CASK: variants seen among roughly 807,000 people sequenced by gnomAD.
CASK encodes peripheral plasma membrane protein CASK.
Under a neutral mutation model 82.9 loss-of-function variants are expected in CASK, and 4 were observed. The observed-to-expected ratio is 0.05, with a 90% CI of 0.02 to 0.11. CASK has a LOEUF of 0.11. CASK is among the 10% of genes least tolerant of loss of function. The pLI, the probability that CASK is intolerant of heterozygous loss-of-function variation, is 1.00. For synonymous variants in CASK, 259 were observed against 253.5 expected (o/e 1.02, Z -0.20); for missense variants, 358 against 720.9 (o/e 0.50, Z 5.76).
intron 21 of CASK, among the ~76,000 whole-genome samples, chrX:41,544,901 G>T (rs1467794509): frequency 4.5e-5 from 5 of 110,948 alleles, no homozygotes; most frequent in African/African-American, 1.6e-4. Flanking sequence ...TGACTTTAGA[G>T]AAATAAAAAA....
At chrX:41,824,861 C>T (rs756508796) in intron 2 of CASK, among the ~76,000 whole-genome samples, 14 of 111,758 alleles carry the variant, frequency 1.3e-4, no homozygotes, top group Admixed American at 9.5e-4. Context: ...TCTATCTCAG[C>T]CGTTGGAATA....
intron 1 of CASK, among the ~76,000 whole-genome samples, chrX:41,870,519 A>G (rs757806556): frequency 3.6e-5 from 4 of 112,389 alleles, no homozygotes; most frequent in Non-Finnish European, 5.6e-5. Context: ...CAAAGAATGA[A>G]GAGTAAAATA....
intron 9 of CASK, among the ~76,000 whole-genome samples, chrX:41,632,672 T>C (rs1250096402): frequency 8.9e-6 from 1 of 112,366 alleles, no homozygotes; most frequent in African/African-American, 3.2e-5. Context: ...ATGGCACTCC[T>C]AAACAAACCT....
chrX:41,597,596 G>A (rs1163776249), intron 12 of CASK, among the ~76,000 whole-genome samples: 3 of 112,193 alleles, frequency 2.7e-5, no homozygotes, highest in East Asian at 2.8e-4. Flanking sequence ...TGTGAATTAC[G>A]TGGGTAAATA....
chrX:41,839,414 T>C (rs978371847), intron 2 of CASK, among the ~76,000 whole-genome samples: 1 of 111,935 alleles, frequency 8.9e-6, no homozygotes, highest in Non-Finnish European at 1.9e-5. Flanking sequence ...CAACTGCAAA[T>C]GGTACTATGT....
In CASK at chrX:41,516,380, CA is replaced by C. The variant is rs1286339733; in HGVS notation, c.*4039del. On this transcript the variant is annotated 3_prime_UTR_variant, in exon 27 of 27. Coordinates refer to ENST00000378163, the MANE Select transcript of CASK (RefSeq NM_001367721.1). ...AGGAGAGTCCTGTATCCAGAGATTCCAAACAGAGAGGGAAATCTTATTTCTA... is the reference window on the plus strand; with the variant it reads ...AGGAGAGTCCTGTATCCAGAGATTCCAACAGAGAGGGAAATCTTATTTCTA... The C allele has an allele frequency of 8.9e-6, 1 of 112,430 alleles. No individual in the cohort carries two copies. Among genetic ancestry groups the C allele is most frequent in the Non-Finnish European group, 1.9e-5 (1 of 53,313 alleles). The allele number at this position is 112,430 out of a possible 1,213,427, so 9.3% of individuals were successfully genotyped here. A position where few individuals can be genotyped will look rare whatever the true frequency, so the allele number is the denominator to read the frequency against.
intron 12 of CASK, among the ~76,000 whole-genome samples, chrX:41,593,888 C>T (rs1402484956): frequency 1.8e-5 from 2 of 112,154 alleles, no homozygotes; most frequent in Non-Finnish European, 3.8e-5. Flanking sequence ...GGGTCATCTG[C>T]ATATTATATG....
chrX:41,572,081 CT>C (rs2065420114), intron 15 of CASK, among the ~76,000 whole-genome samples: 1 of 107,961 alleles, frequency 9.3e-6, no homozygotes, highest in Non-Finnish European at 1.9e-5. Flanking sequence ...TTTCTATCTT[CT>C]TACTTTTTTT....
At chrX:41,844,000 A>AT (rs2071099315) in intron 2 of CASK, among the ~76,000 whole-genome samples, 1 of 111,658 alleles carries the variant, frequency 9.0e-6, no homozygotes, top group Non-Finnish European at 1.9e-5. Flanking sequence ...CATATACAAG[A>AT]TTTTATCTGG....
intron 11 of CASK, among the ~76,000 whole-genome samples, chrX:41,611,808 C>T (rs977596529): frequency 2.7e-5 from 3 of 110,250 alleles, no homozygotes; most frequent in African/African-American, 9.9e-5. Flanking sequence ...GCCTGATTCT[C>T]CTGCCTTAGC....
At chrX:41,776,901 A>G (rs2069374971) in intron 3 of CASK, among the ~76,000 whole-genome samples, 1 of 111,997 alleles carries the variant, frequency 8.9e-6, no homozygotes, top group East Asian at 2.8e-4. Context: ...CAAGACAAAA[A>G]TCTCAATAGT....
chrX:41,920,081 A>G (rs1299301729), intron 1 of CASK, among the ~76,000 whole-genome samples: 2 of 111,816 alleles, frequency 1.8e-5, no homozygotes, highest in Admixed American at 9.5e-5. Context: ...TAGGTAGAGG[A>G]GTGAGTGGGT....
intron 5 of CASK, among the ~76,000 whole-genome samples, chrX:41,711,984 C>T (rs758470394): frequency 2.5e-4 from 28 of 112,796 alleles, no homozygotes; most frequent in Non-Finnish European, 5.1e-4. Context: ...AACTGCTGAA[C>T]GCAGGTACAA....
At chrX:41,756,756 G>A (rs1200805515) in intron 3 of CASK, among the ~76,000 whole-genome samples, 1 of 112,091 alleles carries the variant, frequency 8.9e-6, no homozygotes, top group Non-Finnish European at 1.9e-5. Context: ...TTACTTACGA[G>A]AAAACTGAGA....
chrX:41,687,351 A>G (rs1279794531), intron 5 of CASK, among the ~76,000 whole-genome samples: 1 of 112,250 alleles, frequency 8.9e-6, no homozygotes, highest in Non-Finnish European at 1.9e-5. Context: ...GTGCATATAC[A>G]GTGGAATATA....
chrX:41,550,839 A>G (rs1249869077), intron 21 of CASK, among the ~76,000 whole-genome samples: 1 of 111,237 alleles, frequency 9.0e-6, no homozygotes, highest in Non-Finnish European at 1.9e-5. Context: ...TGGGTCCAGG[A>G]GGTCGAGGCT....
intron 2 of CASK, among the ~76,000 whole-genome samples, chrX:41,790,645 T>C (rs774914552): frequency 6.3e-5 from 7 of 111,826 alleles, no homozygotes; most frequent in Non-Finnish European, 5.6e-5. Context: ...AACACTGATT[T>C]GACTTGATTT....
chrX:41,692,988 A>G (rs910795504), intron 5 of CASK, among the ~76,000 whole-genome samples: 3 of 112,052 alleles, frequency 2.7e-5, no homozygotes, highest in African/African-American at 9.7e-5. Flanking sequence ...AATAATATTT[A>G]TTATGCTAAG....
chrX:41,881,002 C>T (rs1355482620), intron 1 of CASK, among the ~76,000 whole-genome samples: 4 of 111,428 alleles, frequency 3.6e-5, no homozygotes, highest in Admixed American at 9.6e-5. Flanking sequence ...AGACACACAC[C>T]GCATCCAGCT....
Sources: gnomAD v4.1 joint callset for allele counts (sites outside exome capture counted in the v4.1 genomes callset) on GRCh38, gnomAD v4.1.1 for gene constraint, MANE v1.5 for transcripts, NCBI Gene and HGNC (gene_info 2026-07-23, HGNC 2026-07-21) for gene names.